The following ADCY8 variants were observed in gnomAD, a reference collection of about 807,000 sequenced individuals.
The protein encoded by ADCY8 is adenylate cyclase 8.
A neutral mutation model predicts 119.7 loss-of-function variants in ADCY8; 51 were observed. That is an observed-to-expected ratio of 0.43 (90% CI 0.34 to 0.54). The LOEUF (loss-of-function observed/expected upper bound fraction) is 0.54. Ranked by LOEUF, ADCY8 falls within the 20% of genes least tolerant of loss-of-function variation. The probability of loss-of-function intolerance (pLI) is 0.03; values close to 1 mark genes in which losing one functional copy is unlikely to be tolerated. For synonymous variants in ADCY8, 665 were observed against 651.0 expected (o/e 1.02, Z -0.33); for missense variants, 1,383 against 1,598.8 (o/e 0.87, Z 2.30).
intron 13 of ADCY8, 101 bp from the exon 14 acceptor site, chr8:130,814,328 T>C: frequency 8.0e-7 from 1 of 1,257,668 alleles, no homozygotes; most frequent in Non-Finnish European, 1.1e-6. Flanking sequence ...TCTGGAACTC[T>C]TCACAAATGA....
At chr8:130,829,415 T>G (rs1509843) in intron 12 of ADCY8, among the ~76,000 whole-genome samples, 1 of 151,810 alleles carries the variant, frequency 6.6e-6, no homozygotes, top group Non-Finnish European at 1.5e-5. Flanking sequence ...CTGTAAACTT[T>G]TTATTGGGTT....
intron 2 of ADCY8, among the ~76,000 whole-genome samples, chr8:130,962,172 A>G (rs1003713767): frequency 2.0e-5 from 3 of 152,198 alleles, no homozygotes; most frequent in African/African-American, 7.2e-5. Flanking sequence ...ATTTTCTGCA[A>G]GACATGGGAG....
intron 1 of ADCY8, among the ~76,000 whole-genome samples, chr8:131,002,851 T>G (rs1235759693): frequency 6.6e-6 from 1 of 151,906 alleles, no homozygotes; most frequent in Non-Finnish European, 1.5e-5. Context: ...GAAAGAATTT[T>G]GAAAAATAGA....
At chr8:130,827,715 A>G (rs891696587) in intron 12 of ADCY8, among the ~76,000 whole-genome samples, 2 of 152,194 alleles carry the variant, frequency 1.3e-5, no homozygotes, top group East Asian at 1.9e-4. Flanking sequence ...ACCCCAGACA[A>G]TGTAGCTGCT....
chr8:130,899,748 T>G (rs72714431), intron 7 of ADCY8, among the ~76,000 whole-genome samples: 14,215 of 152,222 alleles, frequency 0.093, 693 homozygotes, highest in African/African-American at 0.11. Flanking sequence ...AGATATAGAT[T>G]TTACTCAGAG....
chr8:130,783,181 G>C lies in ADCY8; in HGVS notation c.3268+510C>G, dbSNP rs866835643. On this transcript the variant is annotated intron_variant, in intron 17 of 17. Transcript: ENST00000286355. ...TAATGTTACGTTGTTGCTTTGTGCGGTGATGTCTTTAAGCCCAAAGAAATG... is the reference window on the plus strand; with the variant it reads ...TAATGTTACGTTGTTGCTTTGTGCGCTGATGTCTTTAAGCCCAAAGAAATG... Among the ~76,000 whole-genome samples the C allele has an allele frequency of 3.3e-5, 5 of 152,210 alleles. No homozygotes were observed. The South Asian group carries it at 1.0e-3, about 32-fold the overall frequency.
intron 14 of ADCY8, among the ~76,000 whole-genome samples, chr8:130,813,473 GAAT>G (rs1291989620): frequency 6.6e-6 from 1 of 152,064 alleles, no homozygotes; most frequent in Non-Finnish European, 1.5e-5. Context: ...TATATAAGTG[GAAT>G]AATATAGTAT....
At chr8:130,984,990 A>C (rs886986578) in intron 2 of ADCY8, among the ~76,000 whole-genome samples, 1 of 152,200 alleles carries the variant, frequency 6.6e-6, no homozygotes, top group Non-Finnish European at 1.5e-5. Flanking sequence ...TGAACAAAAA[A>C]GAAGGGGTCA....
intron 7 of ADCY8, among the ~76,000 whole-genome samples, chr8:130,891,459 T>C (rs572994273): frequency 9.8e-5 from 15 of 152,312 alleles, no homozygotes; most frequent in Non-Finnish European, 1.9e-4. Flanking sequence ...ATGTGGTACA[T>C]TGTGATATGA....
At chr8:130,959,794 G>A (rs1160552928) in intron 2 of ADCY8, among the ~76,000 whole-genome samples, 11 of 152,202 alleles carry the variant, frequency 7.2e-5, no homozygotes. Flanking sequence ...AGAGGGCACA[G>A]CATGTTTGAG....
chr8:130,790,376 A>G (rs1300640561), intron 15 of ADCY8, among the ~76,000 whole-genome samples: 3 of 152,140 alleles, frequency 2.0e-5, no homozygotes, highest in Non-Finnish European at 2.9e-5. Context: ...TTTAATATCT[A>G]TAAGTGTTCA....
At chr8:130,815,817 G>A (rs1816320651) in intron 13 of ADCY8, among the ~76,000 whole-genome samples, 1 of 152,208 alleles carries the variant, frequency 6.6e-6, no homozygotes, top group African/African-American at 2.4e-5. Context: ...GTGAACATCA[G>A]TGACCAGGCA....
In ADCY8 at chr8:130,903,831, A is replaced by G; in HGVS notation, c.1852T>C (p.Phe618Leu). ...SSDRRNSGATFTEGSWSPELP... is the reference protein window; with the variant it reads ...SSDRRNSGATLTEGSWSPELP... ...TCAGGGCTCCAGGATCCTTCAGTGA[A>G]TGTGGCCCCACTGTTTCTCCGGTCT... Residue 618 changes from phenylalanine (F) to leucine (L), a missense_variant, in exon 7 of 18, where the codon TTC becomes CTC. Physicochemically the swap from Phe to Leu is conservative, Grantham distance 22. Around this residue, in one of 2 missense-constraint regions of ADCY8, gnomAD observed 928 missense variants for 1,163.5 expected, o/e 0.80. Transcript: ENST00000286355. The G allele has an allele frequency of 1.9e-6, 3 of 1,613,744 alleles. No individual in the cohort carries two copies. Among genetic ancestry groups the G allele is most frequent in the Non-Finnish European group, 2.5e-6 (3 of 1,179,984 alleles).
Position 130,785,420 on chromosome 8 carries a change from G to A in ADCY8, c.3116C>T (p.Thr1039Ile). Residue 1039 changes from threonine to isoleucine, a missense_variant, in exon 16 of 18, where the codon ACC becomes ATC. This residue lies in a region of ADCY8 where 928 missense variants were observed against 1,163.5 expected (regional missense o/e 0.80). Coordinates refer to ENST00000286355, the MANE Select transcript of ADCY8 (RefSeq NM_001115.3). ...DIEKIKTIGS[T>I]YMAVSGLSPE... Reference sequence around the variant, plus strand: ...TGACAGGCCTGACACGGCCATGTAGGTGCTGCCAATGGTCTTAATCTTTTC... The same window carrying A: ...TGACAGGCCTGACACGGCCATGTAGATGCTGCCAATGGTCTTAATCTTTTC... The A allele has an allele frequency of 6.2e-7, 1 of 1,609,264 alleles. No individual in the cohort carries two copies. Among genetic ancestry groups the A allele is most frequent in the Non-Finnish European group, 8.5e-7 (1 of 1,177,714 alleles).
intron 2 of ADCY8, among the ~76,000 whole-genome samples, chr8:130,970,240 G>T (rs1159568948): frequency 1.3e-5 from 2 of 152,182 alleles, no homozygotes; most frequent in Admixed American, 6.5e-5. Flanking sequence ...AGCCGACAAG[G>T]CTTCATCTGT....
intron 9 of ADCY8, among the ~76,000 whole-genome samples, chr8:130,855,610 C>G (rs986760168): frequency 1.1e-4 from 16 of 151,738 alleles, no homozygotes; most frequent in Non-Finnish European, 1.8e-4. Context: ...GAAATCCAGC[C>G]CAGGCCCGCT....
intron 5 of ADCY8, among the ~76,000 whole-genome samples, chr8:130,914,606 C>T (rs1163331680): frequency 2.0e-5 from 3 of 152,100 alleles, no homozygotes; most frequent in Non-Finnish European, 1.5e-5. Context: ...TGCAAAGAAC[C>T]ACAAACACAC....
chr8:130,802,128 A>C (rs1167167004), intron 14 of ADCY8, among the ~76,000 whole-genome samples: 1 of 152,018 alleles, frequency 6.6e-6, no homozygotes, highest in East Asian at 1.9e-4. Flanking sequence ...TCCAATCACA[A>C]ATTCCATAAA....
chr8:130,807,372 G>A (rs1354449869), intron 14 of ADCY8, among the ~76,000 whole-genome samples: 1 of 152,194 alleles, frequency 6.6e-6, no homozygotes, highest in African/African-American at 2.4e-5. Flanking sequence ...CATGACCCTT[G>A]CTCTTTTCTG....
Sources: allele counts gnomAD v4.1 joint callset (sites outside exome capture counted in the v4.1 genomes callset), GRCh38; gene constraint gnomAD v4.1.1; regional missense constraint gnomAD v4.1.1; transcripts MANE v1.5; gene names NCBI Gene and HGNC (gene_info 2026-07-23, HGNC 2026-07-21).